The following CCDC138 variants were observed in gnomAD, a reference collection of about 807,000 sequenced individuals.
CCDC138 encodes coiled-coil domain containing 138.
In CCDC138, 66 loss-of-function variants were observed where a neutral mutation model predicts 82.3. That is an observed-to-expected ratio of 0.80 (90% CI 0.66 to 0.98). CCDC138 has a LOEUF of 0.98. Ranked by LOEUF, CCDC138 falls within the 50% of genes least tolerant of loss-of-function variation. CCDC138 has a pLI of 0.00. For missense variants in CCDC138, 816 were observed against 758.9 expected (o/e 1.08, Z -0.88); for synonymous variants, 297 against 265.4 (o/e 1.12, Z -1.16).
At position 108,832,188 on chromosome 2, in the gene CCDC138, C is replaced by T. The variant is rs1687805703; in HGVS notation, c.1207-6997C>T. ...GGGATTACAGGTGTACGCCATCACA[C>T]CTGGCTAATTTTTATATTAGTAGAG... On this transcript the variant is annotated intron_variant, in intron 10 of 14. Coordinates refer to ENST00000295124, the MANE Select transcript of CCDC138 (RefSeq NM_144978.3). Among the ~76,000 whole-genome samples, 6 of 151,778 alleles carry T rather than the reference C, an allele frequency of 4.0e-5. No individual in the cohort carries two copies. In the South Asian group the frequency reaches 1.2e-3, roughly 32 times the overall value.
chr2:108,852,001 C>T (rs1691593874), intron 12 of CCDC138, among the ~76,000 whole-genome samples: 1 of 152,186 alleles, frequency 6.6e-6, no homozygotes, highest in Non-Finnish European at 1.5e-5. Context: ...AGCCTACCTT[C>T]TTAAGCCTAT....
chr2:108,817,098 G>A (rs1684926999), intron 10 of CCDC138, among the ~76,000 whole-genome samples: 1 of 152,140 alleles, frequency 6.6e-6, no homozygotes, highest in African/African-American at 2.4e-5. Flanking sequence ...ATAGCACATG[G>A]CAAAAGGGAA....
chr2:108,787,985 A>T (rs780982366), intron 1 of CCDC138, 47 bp from the exon 2 acceptor site: 2 of 1,390,116 alleles, frequency 1.4e-6, no homozygotes, highest in Non-Finnish European at 2.0e-6. Context: ...TTGAGACAGT[A>T]AATTGATTTT....
At chr2:108,879,120 G>A (rs1459106170), downstream of CCDC138, among the ~76,000 whole-genome samples, 8 of 152,224 alleles carry the variant, frequency 5.3e-5, no homozygotes, top group East Asian at 1.9e-4. Context: ...CTAGCAAACC[G>A]TTGCAGTCTT....
intron 10 of CCDC138, among the ~76,000 whole-genome samples, chr2:108,833,005 A>G (rs1305583379): frequency 6.6e-6 from 1 of 152,236 alleles, no homozygotes; most frequent in African/African-American, 2.4e-5. Flanking sequence ...GCTCAGTGAA[A>G]GAAGCCAGCC....
At chr2:108,879,656 TAAC>T (rs2105343281), downstream of CCDC138, among the ~76,000 whole-genome samples, 1 of 152,346 alleles carries the variant, frequency 6.6e-6, no homozygotes, top group Non-Finnish European at 1.5e-5. Context: ...ATCCTCATAA[TAAC>T]TTTGTGAGAT....
At chr2:108,817,907 A>G (rs1006940230) in intron 10 of CCDC138, among the ~76,000 whole-genome samples, 4 of 152,234 alleles carry the variant, frequency 2.6e-5, no homozygotes, top group Non-Finnish European at 4.4e-5. Flanking sequence ...TTTGTCTCTT[A>G]GTACCTACAT....
intron 10 of CCDC138, among the ~76,000 whole-genome samples, chr2:108,824,355 A>T (rs1463478180): frequency 1.3e-5 from 2 of 152,134 alleles, no homozygotes; most frequent in African/African-American, 2.4e-5. Context: ...TATTTAAAAA[A>T]TTTTTATTTT....
At chr2:108,857,881 G>A (rs1365898660) in intron 13 of CCDC138, among the ~76,000 whole-genome samples, 1 of 152,208 alleles carries the variant, frequency 6.6e-6, no homozygotes, top group Non-Finnish European at 1.5e-5. Flanking sequence ...TTCTGAATAT[G>A]ACAGAGATGG....
intron 13 of CCDC138, among the ~76,000 whole-genome samples, chr2:108,864,791 C>G (rs143137505): frequency 0.017 from 1,075 of 62,088 alleles, 12 homozygotes; most frequent in South Asian, 0.064. Flanking sequence ...GAGACTCCAT[C>G]TCAAAAAAAA....
Position 108,805,104 on chromosome 2 carries a change from T to C in CCDC138, c.855+96T>C, listed in dbSNP as rs554899394. 2.1e-5 allele frequency: 12 copies of C among 578,260 alleles called. No homozygotes were observed. The South Asian group carries it at 9.5e-4, about 46-fold the overall frequency. The allele number at this position is 578,260 out of a possible 1,614,324, so 35.8% of individuals were successfully genotyped here. A position where few individuals can be genotyped will look rare whatever the true frequency, so the allele number is the denominator to read the frequency against. On this transcript the variant is annotated intron_variant, in intron 7 of 14. Coordinates refer to ENST00000295124, the MANE Select transcript of CCDC138 (RefSeq NM_144978.3). ...AGTCAGCCTTAGAACACGTTTCAGC[T>C]AGAGAAAATTTGGATTACATTTGTT... is the stretch of plus-strand genomic sequence containing the variant.
At chr2:108,789,573 G>A (rs1679554831) in intron 3 of CCDC138, among the ~76,000 whole-genome samples, 1 of 152,180 alleles carries the variant, frequency 6.6e-6, no homozygotes, top group Non-Finnish European at 1.5e-5. Flanking sequence ...CAGCCTGGGT[G>A]ATGAGCAAAA....
In CCDC138 at chr2:108,876,230, C is replaced by G. The variant is rs1407894415; in HGVS notation, c.1975C>G (p.Leu659Val). 2 of 1,612,038 alleles carry G rather than the reference C, an allele frequency of 1.2e-6. No individual in the cohort carries two copies. Among genetic ancestry groups the G allele is most frequent in the Non-Finnish European group, 1.7e-6 (2 of 1,178,710 alleles). Residue 659 changes from leucine to valine, a missense_variant, in exon 15 of 15, where the codon CTG (leucine) becomes GTG (valine). By Grantham distance (32) the Leu-to-Val change is conservative. Coordinates refer to ENST00000295124, the MANE Select transcript of CCDC138 (RefSeq NM_144978.3). Reference sequence around the variant, plus strand: ...TCTGGGTTTAACAAAATGTAACTCCCTGGTCTCCAGTGCAAGCCCTTAGAC... The same window carrying G: ...TCTGGGTTTAACAAAATGTAACTCCGTGGTCTCCAGTGCAAGCCCTTAGAC... Reference protein sequence around the residue: ...FNLGLTKCNSLVSSASP With the variant: ...FNLGLTKCNSVVSSASP
chr2:108,875,701 TAAAC>T (rs1387117066), intron 14 of CCDC138, among the ~76,000 whole-genome samples: 3 of 151,956 alleles, frequency 2.0e-5, no homozygotes, highest in East Asian at 1.9e-4. Flanking sequence ...CTACAAAAAA[TAAAC>T]AAAATTAGCC....
intron 10 of CCDC138, among the ~76,000 whole-genome samples, chr2:108,832,536 G>A (rs1335320055): frequency 3.3e-5 from 5 of 151,884 alleles, no homozygotes; most frequent in African/African-American, 4.8e-5. Flanking sequence ...TAGTAGAGAC[G>A]GGGTTTCTCC....
At chr2:108,844,733 G>A (rs1690142367) in intron 11 of CCDC138, among the ~76,000 whole-genome samples, 1 of 151,338 alleles carries the variant, frequency 6.6e-6, no homozygotes, top group Non-Finnish European at 1.5e-5. Flanking sequence ...TCAATTAAAG[G>A]CAAATACTAT....
rs767408734 is a variant in CCDC138 at position 108,812,784 on chromosome 2, A to G, written c.934-36A>G. 2.5e-6 allele frequency: 4 copies of G among 1,611,668 alleles called. No individual in the cohort carries two copies. In the African/African-American group the frequency reaches 4.0e-5, roughly 16 times the overall value. ...CCTTTGAGTTTACTCATTTAGATAC[A>G]ATTGTTCTTTAATTCACGCATATAT... On this transcript the variant is annotated intron_variant, in intron 8 of 14. Coordinates refer to ENST00000295124, the MANE Select transcript of CCDC138 (RefSeq NM_144978.3).
At chr2:108,788,581 G>A (rs1290095916) in intron 2 of CCDC138, among the ~76,000 whole-genome samples, 3 of 150,110 alleles carry the variant, frequency 2.0e-5, no homozygotes, top group East Asian at 2.0e-4. Context: ...TTAGCCGGGT[G>A]TGGTGGCGGG....
At chr2:108,817,234 C>T (rs1684945425) in intron 10 of CCDC138, among the ~76,000 whole-genome samples, 1 of 152,066 alleles carries the variant, frequency 6.6e-6, no homozygotes, top group South Asian at 2.1e-4. Flanking sequence ...ACTCAACCCC[C>T]TCTTGCTGGC....
Sources: allele counts gnomAD v4.1 joint callset (sites outside exome capture counted in the v4.1 genomes callset), GRCh38; gene constraint gnomAD v4.1.1; transcripts MANE v1.5; gene names NCBI Gene and HGNC (gene_info 2026-07-23, HGNC 2026-07-21).